The following PDE10A variants were observed in gnomAD, a reference collection of about 807,000 sequenced individuals.
PDE10A encodes the protein phosphodiesterase 10A.
Under a neutral mutation model 97.7 loss-of-function variants are expected in PDE10A, and 39 were observed. The ratio of observed to expected loss-of-function variants is 0.40; its 90% CI spans 0.31 to 0.52. The LOEUF (loss-of-function observed/expected upper bound fraction) is 0.52, where lower values mean the gene tolerates loss of function less well. Among genes scored for constraint, PDE10A ranks in the 20% least tolerant of loss-of-function variants. The probability of loss-of-function intolerance (pLI) is 0.56; values close to 1 mark genes in which losing one functional copy is unlikely to be tolerated. For missense variants in PDE10A, 731 were observed against 1,047.8 expected (o/e 0.70, Z 4.17); for synonymous variants, 371 against 376.8 (o/e 0.98, Z 0.18).
chr6:165,936,031 G>A (rs1247271489), intron 1 of PDE10A, among the ~76,000 whole-genome samples: 1 of 152,218 alleles, frequency 6.6e-6, no homozygotes, highest in Non-Finnish European at 1.5e-5. Flanking sequence ...TGCACATAAG[G>A]AAGAATTCCG....
chr6:165,704,189 G>A (rs1386404469), intron 1 of PDE10A, among the ~76,000 whole-genome samples: 1 of 152,142 alleles, frequency 6.6e-6, no homozygotes, highest in Non-Finnish European at 1.5e-5. Context: ...TGTTGGCTGC[G>A]GTCCTTGAAC....
chr6:165,862,073 C>T (rs1165845293), intron 1 of PDE10A, among the ~76,000 whole-genome samples: 1 of 152,162 alleles, frequency 6.6e-6, no homozygotes, highest in African/African-American at 2.4e-5. Context: ...AGGACGCCTG[C>T]GCTCCCCTAC....
At chr6:165,779,364 C>T (rs987136768) in intron 1 of PDE10A, among the ~76,000 whole-genome samples, 1 of 152,158 alleles carries the variant, frequency 6.6e-6, no homozygotes, top group Non-Finnish European at 1.5e-5. Flanking sequence ...TTCACACTTG[C>T]ACATGTGTGT....
At chr6:165,712,634 T>C (rs1276778809) in intron 1 of PDE10A, among the ~76,000 whole-genome samples, 2 of 16,634 alleles carry the variant, frequency 1.2e-4, no homozygotes, top group Non-Finnish European at 2.1e-4. Context: ...TTTCTTTCTT[T>C]TTTTTTTTTT....
intron 1 of PDE10A, among the ~76,000 whole-genome samples, chr6:165,669,136 T>C (rs57937863): frequency 0.062 from 9,375 of 152,250 alleles, 966 homozygotes; most frequent in African/African-American, 0.21. Flanking sequence ...AAGTAGAACT[T>C]GGTATATTAA....
intron 21 of PDE10A, among the ~76,000 whole-genome samples, chr6:165,335,309 A>C (rs1781581638): frequency 6.6e-6 from 1 of 152,166 alleles, no homozygotes; most frequent in African/African-American, 2.4e-5. Flanking sequence ...CCATTTAAAC[A>C]ACAAACTGTG....
chr6:165,666,574 A>G (rs1455361179), upstream of PDE10A, among the ~76,000 whole-genome samples: 2 of 152,134 alleles, frequency 1.3e-5, no homozygotes, highest in Non-Finnish European at 2.9e-5. Flanking sequence ...CTCCATTCTA[A>G]TAGGATACTT....
chr6:165,759,632 C>G (rs1161396590), intron 1 of PDE10A, among the ~76,000 whole-genome samples: 1 of 152,214 alleles, frequency 6.6e-6, no homozygotes, highest in East Asian at 1.9e-4. Context: ...TGAATAACCT[C>G]ATTGGTAGAT....
At chr6:165,744,467 T>C (rs1423860803) in intron 1 of PDE10A, among the ~76,000 whole-genome samples, 3 of 152,210 alleles carry the variant, frequency 2.0e-5, no homozygotes, top group African/African-American at 4.8e-5. Flanking sequence ...ATTGGTGATA[T>C]AAATAATACT....
At chr6:165,612,178 G>A (rs1030149787) in intron 1 of PDE10A, among the ~76,000 whole-genome samples, 24 of 152,298 alleles carry the variant, frequency 1.6e-4, no homozygotes, top group African/African-American at 5.8e-4. Context: ...GAGAATAAGA[G>A]AAAGTCTGTT....
chr6:165,461,098 T>TC (rs971688547), intron 3 of PDE10A, among the ~76,000 whole-genome samples: 4 of 1,476 alleles, frequency 2.7e-3, no homozygotes, highest in Non-Finnish European at 5.3e-3. Flanking sequence ...AGCTCCAACA[T>TC]TTCCCCTTGG....
intron 2 of PDE10A, among the ~76,000 whole-genome samples, chr6:165,501,453 C>CGGG (rs1780879343): frequency 6.6e-6 from 1 of 151,652 alleles, no homozygotes; most frequent in Non-Finnish European, 1.5e-5. Flanking sequence ...CCCAGCTACT[C>CGGG]AGGAGGCTAC....
At chr6:165,641,084 T>C (rs924743841) in intron 1 of PDE10A, among the ~76,000 whole-genome samples, 3 of 152,156 alleles carry the variant, frequency 2.0e-5, no homozygotes, top group African/African-American at 7.2e-5. Context: ...CTGCTTCACC[T>C]GACCACAGAA....
rs554791178 is a variant in PDE10A at position 165,877,021 on chromosome 6, T to G, written c.-615+110508A>C. ...AATTTATATTTGAAGTATCTGCATTTAGAGCACTAATAACCTGGATTCTGT... is the reference window on the plus strand; with the variant it reads ...AATTTATATTTGAAGTATCTGCATTGAGAGCACTAATAACCTGGATTCTGT... On this transcript the variant is annotated intron_variant, in intron 1 of 19. Coordinates refer to the PDE10A transcript ENST00000366882. Among the ~76,000 whole-genome samples the G allele has an allele frequency of 4.6e-5, 7 of 152,360 alleles. No individual in the cohort carries two copies. The East Asian group carries it at 9.6e-4, about 21-fold the overall frequency.
intron 3 of PDE10A, among the ~76,000 whole-genome samples, chr6:165,468,702 C>A (rs1214178212): frequency 6.6e-6 from 1 of 152,194 alleles, no homozygotes; most frequent in East Asian, 1.9e-4. Flanking sequence ...AAGAAATTAT[C>A]AACTTGTGAA....
At chr6:165,906,234 G>A (rs1268908006) in intron 1 of PDE10A, among the ~76,000 whole-genome samples, 3 of 150,680 alleles carry the variant, frequency 2.0e-5, no homozygotes, top group Non-Finnish European at 4.4e-5. Context: ...AAAGTCCTTC[G>A]GCCAGTACTG....
At chr6:165,398,497 CTCAA>C (rs1293251003) in intron 13 of PDE10A, among the ~76,000 whole-genome samples, 26 of 136,874 alleles carry the variant, frequency 1.9e-4, no homozygotes, top group African/African-American at 2.4e-4. Context: ...CTCTCTCTCT[CTCAA>C]AAAAAAAAAA....
rs58783268 is a variant in PDE10A at position 165,640,072 on chromosome 6, GAA to G, written c.865+21873_865+21874del. Among the ~76,000 whole-genome samples the G allele has an allele frequency of 6.3e-3, 877 of 138,688 alleles. 10 individuals carry two copies. The highest frequency in any genetic ancestry group is 0.021 in the African/African-American group (792 of 37,842). The allele number at this position is 138,688 out of a possible 152,430, so 91.0% of individuals were successfully genotyped here. A position where few individuals can be genotyped will look rare whatever the true frequency, so the allele number is the denominator to read the frequency against. On this transcript the variant is annotated intron_variant, in intron 1 of 21. Transcript: ENST00000539869. ...GCCATGGAGCAAGATTCTGTCACCAGAAAAAAAAAAAAAAATCTATACAACCT... is the reference window on the plus strand; with the variant it reads ...GCCATGGAGCAAGATTCTGTCACCAGAAAAAAAAAAAAATCTATACAACCT...
At chr6:165,611,798 T>C (rs143044877) in intron 1 of PDE10A, among the ~76,000 whole-genome samples, 333 of 152,386 alleles carry the variant, frequency 2.2e-3, no homozygotes, top group Non-Finnish European at 3.5e-3. Context: ...ATAATGAAGA[T>C]AATGTACTGT....
Sources: gnomAD v4.1 joint callset for allele counts (sites outside exome capture counted in the v4.1 genomes callset) on GRCh38, gnomAD v4.1.1 for gene constraint, MANE v1.5 for transcripts, NCBI Gene and HGNC (gene_info 2026-07-23, HGNC 2026-07-21) for gene names.